The following NRIP1 variants were observed in gnomAD, a reference collection of about 807,000 sequenced individuals.
The protein encoded by NRIP1 is nuclear receptor-interacting protein 1.
NRIP1 carries 28 observed loss-of-function variants against 75.0 expected under a neutral mutation model. The observed-to-expected ratio is 0.37, with a 90% CI of 0.28 to 0.51. NRIP1 has a LOEUF of 0.51. Ranked by LOEUF, NRIP1 falls within the 20% of genes least tolerant of loss-of-function variation. The pLI, the probability that NRIP1 is intolerant of heterozygous loss-of-function variation, is 0.92. For missense variants in NRIP1, 1,435 were observed against 1,343.7 expected (o/e 1.07, Z -1.06); for synonymous variants, 526 against 487.6 (o/e 1.08, Z -1.04).
intron 3 of NRIP1, among the ~76,000 whole-genome samples, chr21:14,973,388 T>C (rs1262420416): frequency 6.6e-6 from 1 of 152,120 alleles, no homozygotes; most frequent in African/African-American, 2.4e-5. Flanking sequence ...TAGCCTGCCT[T>C]TAAACATTAG....
In NRIP1 at chr21:14,968,279, G is replaced by T; in HGVS notation, c.-87C>A. 1 of 853,700 alleles carries T rather than the reference G, an allele frequency of 1.2e-6. No homozygotes were observed. The highest frequency in any genetic ancestry group is 2.5e-5 in the East Asian group (1 of 39,332). 52.9% of individuals were successfully genotyped at this position (853,700 alleles called of 1,614,324 possible). A position where few individuals can be genotyped will look rare whatever the true frequency, so the allele number is the denominator to read the frequency against. ...GTGAGTGCGATGTAACTTTAATAAAGGAGTATCAGTTTATCACCTTCCATC... is the reference window on the plus strand; with the variant it reads ...GTGAGTGCGATGTAACTTTAATAAATGAGTATCAGTTTATCACCTTCCATC... On this transcript the variant is annotated 5_prime_UTR_variant, in exon 4 of 4. Transcript: ENST00000318948.
chr21:15,008,757 G>A (rs1195863758), intron 3 of NRIP1, among the ~76,000 whole-genome samples: 1 of 152,176 alleles, frequency 6.6e-6, no homozygotes, highest in Non-Finnish European at 1.5e-5. Flanking sequence ...TCCTCAAAGG[G>A]TGGTCCAAGG....
intron 3 of NRIP1, among the ~76,000 whole-genome samples, chr21:14,999,621 AG>A (rs2087806655): frequency 1.3e-5 from 2 of 152,348 alleles, no homozygotes; most frequent in South Asian, 4.1e-4. Flanking sequence ...GTTTTATAAC[AG>A]TGGCTAAGTA....
chr21:15,031,293 G>GTTCA (rs2088681986), intron 2 of NRIP1, among the ~76,000 whole-genome samples: 1 of 143,182 alleles, frequency 7.0e-6, no homozygotes, highest in East Asian at 2.4e-4. Context: ...GAAGGCGGTT[G>GTTCA]GAGGTTCACC....
intron 1 of NRIP1, among the ~76,000 whole-genome samples, chr21:15,056,920 C>T (rs376863932): frequency 2.0e-5 from 3 of 152,210 alleles, no homozygotes; most frequent in South Asian, 4.1e-4. Flanking sequence ...TTTCTTATGG[C>T]TTTAACAATA....
intron 1 of NRIP1, among the ~76,000 whole-genome samples, chr21:15,053,191 A>AT: frequency 6.6e-6 from 1 of 152,368 alleles, no homozygotes; most frequent in South Asian, 2.1e-4. Flanking sequence ...AATAATCTCA[A>AT]TGAGATAATT....
chr21:15,011,454 G>C lies in NRIP1; in HGVS notation c.-335+2890C>G, dbSNP rs1005114441. Among the ~76,000 whole-genome samples the C allele has an allele frequency of 5.9e-5, 9 of 152,270 alleles. 1 individual carries two copies. Among genetic ancestry groups the C allele is most frequent in the Middle Eastern group, 3.4e-3 (1 of 294 alleles). On this transcript the variant is annotated intron_variant, in intron 3 of 3. Transcript: ENST00000318948. ...TCCGCCCGCCTCGGCCTCTCAAAGT[G>C]CTGGGATTGCAAGCGTGAGCCACCA...
chr21:15,023,996 C>A (rs2088445648), intron 2 of NRIP1, among the ~76,000 whole-genome samples: 1 of 152,086 alleles, frequency 6.6e-6, no homozygotes, highest in Admixed American at 6.5e-5. Flanking sequence ...TTCCTGATGT[C>A]TAACATATAA....
At chr21:15,045,051 CA>C (rs1275446351) in intron 1 of NRIP1, among the ~76,000 whole-genome samples, 1 of 152,190 alleles carries the variant, frequency 6.6e-6, no homozygotes, top group East Asian at 1.9e-4. Context: ...ACTACACACA[CA>C]TGCACATTCT....
At chr21:14,987,429 GT>G (rs2087436684) in intron 3 of NRIP1, among the ~76,000 whole-genome samples, 1 of 152,174 alleles carries the variant, frequency 6.6e-6, no homozygotes, top group African/African-American at 2.4e-5. Context: ...TAATCCATCA[GT>G]TACCTTTCAA....
intron 1 of NRIP1, among the ~76,000 whole-genome samples, chr21:15,058,037 T>G (rs2147407419): frequency 6.6e-6 from 1 of 152,326 alleles, no homozygotes; most frequent in African/African-American, 2.4e-5. Flanking sequence ...CTTGAAATCT[T>G]TACTGTTTAC....
chr21:15,034,527 C>T (rs1431388153), intron 2 of NRIP1, among the ~76,000 whole-genome samples: 2 of 152,164 alleles, frequency 1.3e-5, no homozygotes, highest in Non-Finnish European at 2.9e-5. Flanking sequence ...ATTATTGACT[C>T]CTATGTACCA....
rs2086601986 is a variant in NRIP1 at position 14,962,013 on chromosome 21, T to TA, written c.*2702dup. The TA allele has an allele frequency of 8.6e-5, 5 of 57,818 alleles. No individual in the cohort carries two copies. Among genetic ancestry groups the TA allele is most frequent in the Admixed American group, 4.4e-4 (2 of 4,518 alleles). The allele number at this position is 57,818 out of a possible 1,614,324, so 3.6% of individuals were successfully genotyped here. A position where few individuals can be genotyped will look rare whatever the true frequency, so the allele number is the denominator to read the frequency against. ...ACAAGTCAATATATATATATATACA[T>TA]ATTATATATATATATATATATATAT... On this transcript the variant is annotated 3_prime_UTR_variant, in exon 4 of 4. Coordinates refer to ENST00000318948, the MANE Select transcript of NRIP1 (RefSeq NM_003489.4).
In NRIP1 at chr21:14,964,022, T is replaced by C. The variant is rs2086656392; in HGVS notation, c.*694A>G. The C allele has an allele frequency of 6.6e-6, 1 of 152,330 alleles. No individual in the cohort carries two copies. Among genetic ancestry groups the C allele is most frequent in the Non-Finnish European group, 1.5e-5 (1 of 67,946 alleles). The allele number at this position is 152,330 out of a possible 1,614,324, so 9.4% of individuals were successfully genotyped here. A position where few individuals can be genotyped will look rare whatever the true frequency, so the allele number is the denominator to read the frequency against. ...AAAATACAAAAAATGGAAATCTGCC[T>C]TTTTTTTAAAGGATCTATCAAACTT... On this transcript the variant is annotated 3_prime_UTR_variant, in exon 4 of 4. Transcript: ENST00000318948.
At chr21:15,005,513 C>T (rs2087946380) in intron 3 of NRIP1, among the ~76,000 whole-genome samples, 1 of 152,184 alleles carries the variant, frequency 6.6e-6, no homozygotes, top group South Asian at 2.1e-4. Flanking sequence ...TGACCTTGAG[C>T]TGCATCAGCA....
At chr21:15,064,056 A>G (rs2088462622) in intron 1 of NRIP1, among the ~76,000 whole-genome samples, 1 of 152,254 alleles carries the variant, frequency 6.6e-6, no homozygotes. Flanking sequence ...ATAAAACAAT[A>G]TTCAATCGTA....
At position 14,961,694 on chromosome 21, in the gene NRIP1, C is replaced by T. The variant is rs764313455; in HGVS notation, c.*3022G>A. On this transcript the variant is annotated 3_prime_UTR_variant, in exon 4 of 4. Transcript: ENST00000318948. ...GAACATCTGATCTGATTTGTTAAGA[C>T]ATTTTGCCAAATGCACAGATGCACA... The T allele has an allele frequency of 5.2e-5, 8 of 152,382 alleles. No homozygotes were observed. Among genetic ancestry groups the T allele is most frequent in the Admixed American group, 4.6e-4 (7 of 15,248 alleles). The allele number at this position is 152,382 out of a possible 1,614,324, so 9.4% of individuals were successfully genotyped here.
chr21:14,978,973 G>A (rs1212538107), intron 3 of NRIP1, among the ~76,000 whole-genome samples: 1 of 152,050 alleles, frequency 6.6e-6, no homozygotes, highest in Non-Finnish European at 1.5e-5. Context: ...GTTAAATAAA[G>A]TTAATTTTAC....
chr21:15,033,187 T>C (rs182230942), intron 2 of NRIP1, among the ~76,000 whole-genome samples: 172 of 143,648 alleles, frequency 1.2e-3, no homozygotes, highest in African/African-American at 4.1e-3. Context: ...ATTGCTCCAC[T>C]GCACCCCAGC....
Sources: allele counts gnomAD v4.1 joint callset (sites outside exome capture counted in the v4.1 genomes callset), GRCh38; gene constraint gnomAD v4.1.1; transcripts MANE v1.5; gene names NCBI Gene and HGNC (gene_info 2026-07-23, HGNC 2026-07-21).